Variants in NRXN3 observed in about 807,000 individuals in gnomAD.
NRXN3 encodes the protein neurexin III.
NRXN3 carries 32 observed loss-of-function variants against 137.6 expected under a neutral mutation model. The observed-to-expected ratio is 0.23, with a 90% confidence interval of 0.18 to 0.31. The LOEUF is 0.31. Among genes scored for constraint, NRXN3 ranks in the 10% least tolerant of loss-of-function variants. The pLI is 1.00. For missense variants in NRXN3, 1,574 were observed against 2,062.5 expected (o/e 0.76, Z 4.59); for synonymous variants, 798 against 784.5 (o/e 1.02, Z -0.29).
chr14:78,670,505 T>C (rs144399156), intron 6 of NRXN3, among the ~76,000 whole-genome samples: 95 of 152,310 alleles, frequency 6.2e-4, no homozygotes, highest in African/African-American at 2.1e-3. Context: ...TCAGCCTTGT[T>C]TTACCCAGCC....
At chr14:78,490,578 GGA>G (rs2095648204) in intron 4 of NRXN3, among the ~76,000 whole-genome samples, 1 of 152,032 alleles carries the variant, frequency 6.6e-6, no homozygotes, top group Admixed American at 6.6e-5. Flanking sequence ...TACCCTTTAA[GGA>G]AAGTCATTGT....
At chr14:78,506,613 G>A (rs537113637) in intron 4 of NRXN3, among the ~76,000 whole-genome samples, 1 of 147,646 alleles carries the variant, frequency 6.8e-6, no homozygotes, top group East Asian at 2.0e-4. Context: ...ACCCTGACAG[G>A]TGTGAGGTAA....
intron 2 of NRXN3, among the ~76,000 whole-genome samples, chr14:78,269,542 T>C (rs752930356): frequency 6.6e-6 from 1 of 152,200 alleles, no homozygotes; most frequent in Non-Finnish European, 1.5e-5. Flanking sequence ...ACATTACGAA[T>C]GTACTTAATA....
Position 78,528,794 on chromosome 14 carries a change from T to C in NRXN3, c.758-116326T>C, listed in dbSNP as rs2096417695. Among the ~76,000 whole-genome samples the C allele has an allele frequency of 2.0e-5, 3 of 152,168 alleles. 1 individual carries two copies. In the South Asian group the frequency reaches 6.2e-4, roughly 32 times the overall value. On this transcript the variant is annotated intron_variant, in intron 4 of 20. Coordinates refer to ENST00000335750, the MANE Select transcript of NRXN3 (RefSeq NM_001330195.2). ...ATCTTTATTTAAATTTTTGATACTT[T>C]GTTTAGCATGGATATTTCCATTCAT... is the stretch of plus-strand genomic sequence containing the variant.
chr14:78,413,385 A>G (rs564807351), intron 4 of NRXN3, among the ~76,000 whole-genome samples: 113 of 152,324 alleles, frequency 7.4e-4, no homozygotes, highest in African/African-American at 1.3e-3. Context: ...TACTGGGTTC[A>G]AGCGATTCTC....
intron 19 of NRXN3, among the ~76,000 whole-genome samples, chr14:79,765,534 TA>T (rs1363410292): frequency 6.6e-6 from 1 of 152,204 alleles, no homozygotes; most frequent in African/African-American, 2.4e-5. Flanking sequence ...GTGACACTAT[TA>T]GGGGACAGAT....
At chr14:79,531,194 T>C (rs1458425485) in intron 16 of NRXN3, among the ~76,000 whole-genome samples, 1 of 152,224 alleles carries the variant, frequency 6.6e-6, no homozygotes, top group African/African-American at 2.4e-5. Flanking sequence ...GCTAATGCTA[T>C]GCTCATACCC....
At chr14:78,662,696 GCTAA>G (rs2097851173) in intron 6 of NRXN3, among the ~76,000 whole-genome samples, 2 of 152,130 alleles carry the variant, frequency 1.3e-5, no homozygotes, top group African/African-American at 2.4e-5. Context: ...AAAGAATAAG[GCTAA>G]CTGATTAGCT....
In NRXN3 at chr14:79,862,199, A is replaced by G. The variant is rs543434649; in HGVS notation, c.*235A>G. The G allele has an allele frequency of 7.0e-4, 342 of 489,898 alleles. 1 individual carries two copies. The Middle Eastern group carries it at 0.01, about 15-fold the overall frequency. The allele number at this position is 489,898 out of a possible 1,614,324, so 30.3% of individuals were successfully genotyped here. A position where few individuals can be genotyped will look rare whatever the true frequency, so the allele number is the denominator to read the frequency against. ...AAGGTCCCAGCGGTCGCTGGGAGAC[A>G]GAAGGTTTTGTGCCCTGCTGTATCA... On this transcript the variant is annotated 3_prime_UTR_variant, in exon 21 of 21. Coordinates refer to ENST00000335750, the MANE Select transcript of NRXN3 (RefSeq NM_001330195.2).
chr14:78,592,985 C>A (rs2097129805), intron 4 of NRXN3, among the ~76,000 whole-genome samples: 1 of 152,146 alleles, frequency 6.6e-6, no homozygotes, highest in Non-Finnish European at 1.5e-5. Context: ...GGCAGAGCGA[C>A]CTTGCTCCTC....
Position 79,531,555 on chromosome 14 carries a change from C to T in NRXN3, c.3444+64153C>T, listed in dbSNP as rs147091993. On this transcript the variant is annotated intron_variant, in intron 16 of 20. Transcript: ENST00000335750. ...GAAAAGCCAAACATTGATGACATTTCGCAGAAAATGTTATGTTCAGGTTTG... is the reference window on the plus strand; with the variant it reads ...GAAAAGCCAAACATTGATGACATTTTGCAGAAAATGTTATGTTCAGGTTTG... 9.3e-3 allele frequency among the ~76,000 whole-genome samples: 1,416 copies of T among 152,142 alleles called. 10 individuals are homozygous for T. The highest frequency in any genetic ancestry group is 0.015 in the Non-Finnish European group (1,049 of 68,012).
At chr14:78,618,137 A>T (rs1019542331) in intron 4 of NRXN3, among the ~76,000 whole-genome samples, 4 of 152,084 alleles carry the variant, frequency 2.6e-5, no homozygotes, top group Admixed American at 2.6e-4. Context: ...TGGCTTAACT[A>T]GTCCCTTGTT....
chr14:78,613,639 G>C (rs905806616), intron 4 of NRXN3, among the ~76,000 whole-genome samples: 4 of 145,118 alleles, frequency 2.8e-5, no homozygotes, highest in African/African-American at 1.0e-4. Context: ...AGAGGACTTA[G>C]GGTCTAGTTT....
chr14:78,650,721 C>T (rs2097733418), intron 5 of NRXN3, among the ~76,000 whole-genome samples: 1 of 151,840 alleles, frequency 6.6e-6, no homozygotes, highest in Non-Finnish European at 1.5e-5. Flanking sequence ...AAAAATAAAA[C>T]CATCAACAAC....
At chr14:79,850,163 T>G (rs1301969607) in intron 20 of NRXN3, among the ~76,000 whole-genome samples, 2 of 152,186 alleles carry the variant, frequency 1.3e-5, no homozygotes, top group Non-Finnish European at 2.9e-5. Context: ...AAATCTTCAT[T>G]AGGTATTTGT....
intron 10 of NRXN3, among the ~76,000 whole-genome samples, chr14:78,925,990 A>G (rs563785395): frequency 1.3e-5 from 2 of 152,334 alleles, no homozygotes; most frequent in African/African-American, 4.8e-5. Context: ...ATAAACATAA[A>G]AATTATAATT....
chr14:78,478,474 TCA>T (rs1328936572), intron 4 of NRXN3, among the ~76,000 whole-genome samples: 1 of 152,098 alleles, frequency 6.6e-6, no homozygotes, highest in Non-Finnish European at 1.5e-5. Flanking sequence ...CTCTGTTGAC[TCA>T]CAGATTAGAG....
rs542408445 is a variant in NRXN3, at chr14:79,004,764, T to C, written c.3262+16623T>C. Among the ~76,000 whole-genome samples the C allele has an allele frequency of 3.3e-5, 5 of 152,322 alleles. No homozygotes were observed. The South Asian group carries it at 1.0e-3, about 32-fold the overall frequency. ...CTTGGAAGTCTCCTTTAGTGAAGGATGCTTTTTTCCTAATGTTTTAAATTC... is the reference window on the plus strand; with the variant it reads ...CTTGGAAGTCTCCTTTAGTGAAGGACGCTTTTTTCCTAATGTTTTAAATTC... On this transcript the variant is annotated intron_variant, in intron 15 of 20. Coordinates refer to ENST00000335750, the MANE Select transcript of NRXN3 (RefSeq NM_001330195.2).
At chr14:78,388,718 C>T (rs1294207233) in intron 4 of NRXN3, among the ~76,000 whole-genome samples, 2 of 152,062 alleles carry the variant, frequency 1.3e-5, no homozygotes, top group African/African-American at 4.8e-5. Context: ...AAATAGAACA[C>T]TTGGAAAACA....
Sources: allele counts gnomAD v4.1 joint callset (sites outside exome capture counted in the v4.1 genomes callset), GRCh38; gene constraint gnomAD v4.1.1; transcripts MANE v1.5; gene names NCBI Gene and HGNC (gene_info 2026-07-23, HGNC 2026-07-21).